CSMD1: variants seen among roughly 807,000 people sequenced by gnomAD.
CSMD1 encodes CUB and Sushi multiple domains 1.
Under a neutral mutation model 417.5 loss-of-function variants are expected in CSMD1, and 213 were observed. The observed-to-expected ratio is 0.51, with a 90% CI of 0.46 to 0.57. CSMD1 has a LOEUF of 0.57. CSMD1 is among the 20% of genes least tolerant of loss of function. The pLI, the probability that CSMD1 is intolerant of heterozygous loss-of-function variation, is 0.00. For synonymous variants in CSMD1, 2,862 were observed against 1,736.8 expected, an observed-to-expected ratio of 1.65 and a Z score of -16.11; for missense variants, 6,923 against 4,529.7, an observed-to-expected ratio of 1.53 and a Z score of -15.17.
chr8:3,490,679 G>C (rs2117287809), intron 11 of CSMD1, among the ~76,000 whole-genome samples: 1 of 152,076 alleles, frequency 6.6e-6, no homozygotes, highest in East Asian at 1.9e-4. Flanking sequence ...AGGGTCATGG[G>C]GATAGCAAAT....
intron 25 of CSMD1, among the ~76,000 whole-genome samples, chr8:3,295,690 G>A (rs533544442): frequency 8.7e-4 from 133 of 152,244 alleles, no homozygotes; most frequent in African/African-American, 3.1e-3. Flanking sequence ...CCAGGGTAAT[G>A]TATGTATTGC....
intron 10 of CSMD1, among the ~76,000 whole-genome samples, chr8:3,511,572 TG>T (rs1487253066): frequency 6.6e-6 from 1 of 151,336 alleles, no homozygotes; most frequent in Non-Finnish European, 1.5e-5. Context: ...CCGGCCAAAA[TG>T]GTGAAACCCC....
At chr8:3,584,938 C>G (rs931585505) in intron 9 of CSMD1, among the ~76,000 whole-genome samples, 2 of 152,136 alleles carry the variant, frequency 1.3e-5, no homozygotes, top group Non-Finnish European at 2.9e-5. Context: ...TTGAAAAATG[C>G]ACAATCAAAG....
chr8:3,027,790 A>T (rs1336895003), intron 51 of CSMD1, among the ~76,000 whole-genome samples: 1 of 152,246 alleles, frequency 6.6e-6, no homozygotes, highest in Non-Finnish European at 1.5e-5. Context: ...ACTTTCTAGA[A>T]TTTCAGAAGC....
chr8:4,441,982 T>A (rs754356370), intron 2 of CSMD1, among the ~76,000 whole-genome samples: 1 of 152,150 alleles, frequency 6.6e-6, no homozygotes, highest in Non-Finnish European at 1.5e-5. Flanking sequence ...GAAAACCAAA[T>A]AATAAAAGGT....
rs537546436 is a variant in CSMD1, at chr8:4,778,348, G to T, written c.86-140790C>A. On this transcript the variant is annotated intron_variant, in intron 1 of 69. Transcript: ENST00000635120. ...ATATGTGGCCTATGATATCCCCATT[G>T]TTTTGATGATTTTTCCACAAAACTT... Among the ~76,000 whole-genome samples the T allele has an allele frequency of 9.2e-5, 14 of 152,144 alleles. No individual in the cohort carries two copies. In the South Asian group the frequency reaches 2.9e-3, roughly 32 times the overall value.
chr8:4,353,290 G>C (rs899445371), intron 3 of CSMD1, among the ~76,000 whole-genome samples: 5 of 151,986 alleles, frequency 3.3e-5, no homozygotes, highest in African/African-American at 1.2e-4. Flanking sequence ...TTATAAAGGG[G>C]AGTTTCCTTC....
intron 26 of CSMD1, among the ~76,000 whole-genome samples, chr8:3,269,253 G>A (rs1223577362): frequency 1.3e-5 from 2 of 152,216 alleles, no homozygotes; most frequent in East Asian, 3.9e-4. Flanking sequence ...GATCCTAAGT[G>A]GTCAATCATA....
At chr8:3,855,444 C>T (rs896927627) in intron 5 of CSMD1, among the ~76,000 whole-genome samples, 1 of 152,066 alleles carries the variant, frequency 6.6e-6, no homozygotes, top group African/African-American at 2.4e-5. Flanking sequence ...GTTTAAATAT[C>T]AGAAATTCTA....
At chr8:4,061,910 A>G (rs1053504267) in intron 3 of CSMD1, among the ~76,000 whole-genome samples, 2 of 152,170 alleles carry the variant, frequency 1.3e-5, no homozygotes, top group Non-Finnish European at 2.9e-5. Flanking sequence ...TGAATAAATA[A>G]ATCAATTATG....
intron 3 of CSMD1, among the ~76,000 whole-genome samples, chr8:4,145,602 T>C (rs1804063716): frequency 1.3e-5 from 2 of 150,986 alleles, no homozygotes. Flanking sequence ...TTGCATGGGC[T>C]AGTGTCAAAG....
At chr8:3,344,126 T>A (rs1205826812) in intron 22 of CSMD1, among the ~76,000 whole-genome samples, 1 of 152,196 alleles carries the variant, frequency 6.6e-6, no homozygotes, top group Non-Finnish European at 1.5e-5. Context: ...AAGACAAGGC[T>A]TGGTTTTGAC....
chr8:3,116,254 T>G (rs997182404), intron 42 of CSMD1, among the ~76,000 whole-genome samples: 1 of 152,210 alleles, frequency 6.6e-6, no homozygotes, highest in Non-Finnish European at 1.5e-5. Flanking sequence ...TGATAAACTT[T>G]TACATGAATC....
chr8:4,963,491 T>C (rs970435253), intron 1 of CSMD1, among the ~76,000 whole-genome samples: 9 of 152,170 alleles, frequency 5.9e-5, no homozygotes, highest in African/African-American at 2.2e-4. Flanking sequence ...TGAGACACCA[T>C]GCCTGGCCCC....
chr8:4,934,806 T>A (rs1242439616), intron 1 of CSMD1, among the ~76,000 whole-genome samples: 2 of 149,930 alleles, frequency 1.3e-5, no homozygotes, highest in Non-Finnish European at 3.0e-5. Context: ...TCTATAAACC[T>A]ACCTATCATG....
At chr8:4,588,604 G>T (rs1189093691) in intron 2 of CSMD1, among the ~76,000 whole-genome samples, 2 of 151,902 alleles carry the variant, frequency 1.3e-5, no homozygotes, top group Admixed American at 6.6e-5. Context: ...GGTTAACACG[G>T]TGAAACCCCA....
intron 26 of CSMD1, among the ~76,000 whole-genome samples, chr8:3,235,893 A>C (rs963564181): frequency 6.7e-6 from 1 of 148,742 alleles, no homozygotes; most frequent in African/African-American, 2.5e-5. Context: ...GCTCGAGTTT[A>C]TGCCAGTTAT....
chr8:3,725,029 G>C (rs978199097), intron 6 of CSMD1, among the ~76,000 whole-genome samples: 1 of 152,178 alleles, frequency 6.6e-6, no homozygotes, highest in Non-Finnish European at 1.5e-5. Context: ...TCTGGGAAGA[G>C]GCCCATTAAC....
chr8:3,696,485 C>A (rs1353507243), intron 7 of CSMD1, among the ~76,000 whole-genome samples: 1 of 152,136 alleles, frequency 6.6e-6, no homozygotes, highest in South Asian at 2.1e-4. Flanking sequence ...ATGCAGTGAA[C>A]CCAACGGATG....
Sources: gnomAD v4.1 joint callset for allele counts (sites outside exome capture counted in the v4.1 genomes callset) on GRCh38, gnomAD v4.1.1 for gene constraint, MANE v1.5 for transcripts, NCBI Gene and HGNC (gene_info 2026-07-23, HGNC 2026-07-21) for gene names.